MYH8: variants seen among roughly 807,000 people sequenced by gnomAD.
MYH8 encodes myosin-8.
In MYH8, 168 loss-of-function variants were observed where a neutral mutation model predicts 233.2. That is an observed-to-expected ratio of 0.72 (90% confidence interval 0.64 to 0.82). MYH8 has a LOEUF of 0.82. MYH8 is among the 40% of genes least tolerant of loss of function. The pLI, the probability that MYH8 is intolerant of heterozygous loss-of-function variation, is 0.00. For missense variants in MYH8, 1,995 were observed against 2,327.8 expected (o/e 0.86, Z 2.94); for synonymous variants, 785 against 850.6 (o/e 0.92, Z 1.34).
At chr17:10,395,519 T>C in intron 33 of MYH8, 78 bp from the exon 34 acceptor site, 5 of 1,417,356 alleles carry the variant, frequency 3.5e-6, no homozygotes, top group Non-Finnish European at 4.9e-6. Context: ...GCCAAACTCT[T>C]GTCAATATCA....
chr17:10,419,977 A>G lies in MYH8; in HGVS notation c.210+41T>C, dbSNP rs1432022814. 2 of 1,600,758 alleles carry G rather than the reference A, an allele frequency of 1.2e-6. No individual in the cohort carries two copies. Among genetic ancestry groups the G allele is most frequent in the African/African-American group, 2.7e-5 (2 of 74,644 alleles). Reference sequence around the variant, plus strand: ...AAGTTAGGCTTCAACTTTTGAACCAAGAAATAAAATGGGGAGTATTTTCTC... The same window carrying G: ...AAGTTAGGCTTCAACTTTTGAACCAGGAAATAAAATGGGGAGTATTTTCTC... On this transcript the variant is annotated intron_variant, in intron 3 of 39. Transcript: ENST00000403437. This position sits in a 1 kb window ranked among gnomAD's most constrained non-coding sequence, Gnocchi z 4.0.
chr17:10,398,694 T>G, intron 29 of MYH8, 54 bp from the exon 30 acceptor site: 9 of 1,614,102 alleles, frequency 5.6e-6, no homozygotes, highest in Middle Eastern at 1.6e-4. Flanking sequence ...GATATTTAAC[T>G]TACACATCCC....
chr17:10,414,147 A>T, intron 11 of MYH8, 45 bp downstream of exon 11: 1 of 1,607,886 alleles, frequency 6.2e-7, no homozygotes, highest in Non-Finnish European at 8.5e-7. Context: ...TGCTATTGTC[A>T]TTTCCATACA....
Position 10,418,751 on chromosome 17 carries a change from C to A in MYH8, c.405G>T (p.Pro135=), listed in dbSNP as rs775704195. 6.8e-6 allele frequency: 11 copies of A among 1,613,882 alleles called. No individual in the cohort carries two copies. The highest frequency in any genetic ancestry group is 9.3e-6 in the Non-Finnish European group (11 of 1,179,844). The part of the protein sequence containing the change: ...CVTVNPYKWL[P]VYKPEVVAAY... ...CAGCCACCACCTCGGGCTTGTACAC[C>A]GGCAGCCACTTGTAGGGGTTGACGG... is the stretch of plus-strand genomic sequence containing the variant. The change falls in exon 5 of 40, where the codon CCG becomes CCT. Residue 135 remains proline, a synonymous_variant. Transcript: ENST00000403437.
In MYH8 at chr17:10,396,719, CT is replaced by C. The variant is rs760734255; in HGVS notation, c.4363-2del. On this transcript the variant is annotated splice_acceptor_variant, in intron 31 of 39. Transcript: ENST00000403437. LOFTEE classifies it high-confidence loss of function. The surrounding 1 kb of genome is among the most constrained non-coding windows in gnomAD (Gnocchi z 4.2). ...ACTTCTGCTTCCATTCTGATAGGAC[CT>C]GAAAAGCAATAAATCATGAGTTGAT... The C allele has an allele frequency of 1.9e-6, 3 of 1,614,136 alleles. No individual in the cohort carries two copies. Among genetic ancestry groups the C allele is most frequent in the Non-Finnish European group, 2.5e-6 (3 of 1,180,030 alleles).
At position 10,410,878 on chromosome 17, in the gene MYH8, TGTG is replaced by T; in HGVS notation, c.1483_1485del (p.His495del). On this transcript the variant is annotated inframe_deletion, in exon 15 of 40. Coordinates refer to ENST00000403437, the MANE Select transcript of MYH8 (RefSeq NM_002472.3). Reference sequence around the variant, plus strand: ...TACTCCTCCTGCTCTAGCACAAACATGTGGTGGTTGAAAAACTGTTGCAGTTTC... The same window carrying T: ...TACTCCTCCTGCTCTAGCACAAACATGTGGTTGAAAAACTGTTGCAGTTTC... 6.2e-7 allele frequency: 1 copy of T among 1,613,852 alleles called. No homozygotes were observed. The highest frequency in any genetic ancestry group is 8.5e-7 in the Non-Finnish European group (1 of 1,179,956).
At chr17:10,398,380 TATC>T in intron 30 of MYH8, 61 bp downstream of exon 30, 1 of 1,612,028 alleles carries the variant, frequency 6.2e-7, no homozygotes, top group Non-Finnish European at 8.5e-7. Context: ...ATTGTTATGT[TATC>T]ATCATCATAA....
At position 10,396,969 on chromosome 17, in the gene MYH8, C is replaced by T. The variant is rs368200953; in HGVS notation, c.4196G>A (p.Arg1399His). 6.1e-5 allele frequency: 99 copies of T among 1,614,126 alleles called. No homozygotes were observed. Among genetic ancestry groups the T allele is most frequent in the Non-Finnish European group, 7.5e-5 (89 of 1,180,062 alleles). ...TACATGTTCCTCAGCTTCTTGCAGG[C>T]GCTGGGCCAACTTTTTCCTGAAAAG... ...LEEAKKKLAQ[R>H]LQEAEEHVEA... The change falls in exon 31 of 40, where the codon CGC (arginine) becomes CAC (histidine). Residue 1399 changes from arginine to histidine, a missense_variant. Coordinates refer to ENST00000403437, the MANE Select transcript of MYH8 (RefSeq NM_002472.3). The surrounding 1 kb of genome is among the most constrained non-coding windows in gnomAD (Gnocchi z 4.2).
chr17:10,401,632 C>T lies in MYH8; in HGVS notation c.2842G>A (p.Asp948Asn), dbSNP rs775842493. 1.2e-6 allele frequency: 2 copies of T among 1,614,082 alleles called. No homozygotes were observed. The highest frequency in any genetic ancestry group is 2.2e-5 in the East Asian group (1 of 44,874). ...TCTTTCTTGAGTTCTGAACATTCAT[C>T]CTCCAGTTTTCTCTTCTTGGCTGTC... ...ELTAKKRKLEDECSELKKDID... is the reference protein window; with the variant it reads ...ELTAKKRKLENECSELKKDID... Residue 948 changes from aspartate (D) to asparagine (N), a missense_variant, in exon 23 of 40, where the codon GAT (aspartate) becomes AAT (asparagine). Physicochemically the swap from Asp to Asn is conservative, Grantham distance 23 (BLOSUM62 1). Around this residue, in one of 3 missense-constraint regions of MYH8, gnomAD observed 1,498 missense variants for 1,680.9 expected, o/e 0.89. Transcript: ENST00000403437.
chr17:10,410,388 T>C (rs991181037), intron 15 of MYH8, among the ~76,000 whole-genome samples: 3 of 152,246 alleles, frequency 2.0e-5, no homozygotes, highest in African/African-American at 7.2e-5. Context: ...TTGGCTTTCA[T>C]GAAAGCACTA....
chr17:10,395,156 T>TGCAG lies in MYH8; in HGVS notation c.4938_4939insCTGC (p.Arg1647LeufsTer17). The stretch of plus-strand genomic sequence containing the variant: ...ACCTTCAGGATTCCTTGGGTGTTCC[T>TGCAG]GTAGTTCCTTAAACTCTCTGCAGCT... On this transcript the variant is annotated frameshift_variant, in exon 34 of 40. Coordinates refer to ENST00000403437, the MANE Select transcript of MYH8 (RefSeq NM_002472.3). LOFTEE classifies it high-confidence loss of function. The TGCAG allele has an allele frequency of 6.2e-7, 1 of 1,613,714 alleles. No individual in the cohort carries two copies. The highest frequency in any genetic ancestry group is 8.5e-7 in the Non-Finnish European group (1 of 1,180,016).
intron 39 of MYH8, among the ~76,000 whole-genome samples, chr17:10,391,667 G>T: frequency 6.6e-6 from 1 of 152,130 alleles, no homozygotes; most frequent in Non-Finnish European, 1.5e-5. Flanking sequence ...GTGACACAGC[G>T]AGGCTCTGTG....
rs1045155798 is a variant in MYH8, at chr17:10,398,811, T to C, written c.3938A>G (p.Gln1313Arg). ...QLSRSKQAST[Q>R]QIEELKHQLE... ...TTGATGTTTCAGCTCTTCAATCTGC[T>C]GAGTAGATGCTTGCTTGCTCCTTGA... Residue 1313 changes from glutamine to arginine, a missense_variant, in exon 29 of 40, where the codon CAG becomes CGG. Gln to Arg is a conservative substitution (Grantham distance 43, BLOSUM62 1). Coordinates refer to ENST00000403437, the MANE Select transcript of MYH8 (RefSeq NM_002472.3). 3.7e-6 allele frequency: 6 copies of C among 1,614,020 alleles called. No individual in the cohort carries two copies. Among genetic ancestry groups the C allele is most frequent in the Admixed American group, 3.3e-5 (2 of 60,006 alleles).
chr17:10,401,366 T>TG lies in MYH8; in HGVS notation c.3016dup (p.His1006ProfsTer7), dbSNP rs762636067. On this transcript the variant is annotated frameshift_variant, in exon 24 of 40. Coordinates refer to ENST00000403437, the MANE Select transcript of MYH8 (RefSeq NM_002472.3). LOFTEE classifies it high-confidence loss of function. ...CTGCAGGTCATCCAGGGTCTGCTGG[T>TG]GGGTCTCTTGGAGAGCCTTCTTCTC... The TG allele has an allele frequency of 1.2e-6, 2 of 1,614,108 alleles. No individual in the cohort carries two copies. Among genetic ancestry groups the TG allele is most frequent in the Non-Finnish European group, 1.7e-6 (2 of 1,180,018 alleles).
At chr17:10,405,655 G>A (rs2072186262) in intron 21 of MYH8, among the ~76,000 whole-genome samples, 1 of 152,176 alleles carries the variant, frequency 6.6e-6, no homozygotes, top group South Asian at 2.1e-4. Context: ...GATGAGGGGA[G>A]AGATGAGATA....
Position 10,396,465 on chromosome 17 carries a change from A to G in MYH8, c.4529-11T>C. On this transcript the variant is annotated splice_polypyrimidine_tract_variant and intron_variant, in intron 32 of 39. Transcript: ENST00000403437. This position sits in a 1 kb window ranked among gnomAD's most constrained non-coding sequence, Gnocchi z 4.2. ...GGTCAGAAATCTCCTCTGTGGTTGA[A>G]CAGACAGGAGAGAAATGGTCAGAAA... 6.2e-7 allele frequency: 1 copy of G among 1,614,088 alleles called. No homozygotes were observed. The highest frequency in any genetic ancestry group is 2.2e-5 in the East Asian group (1 of 44,880).
chr17:10,412,385 G>A lies in MYH8; in HGVS notation c.1401C>T (p.Gly467=). 6.2e-7 allele frequency: 1 copy of A among 1,614,152 alleles called. No homozygotes were observed. The highest frequency in any genetic ancestry group is 8.5e-7 in the Non-Finnish European group (1 of 1,180,022). ...TATAACTCACATCAAAGATTTCAAA[G>A]CCAGCAATGTCCAAGACCCCGATGA... ...QYFIGVLDIA[G]FEIFDFNSLE... Residue 467 remains glycine (G), a synonymous_variant, in exon 14 of 40, where the codon GGC becomes GGT. Transcript: ENST00000403437.
intron 30 of MYH8, among the ~76,000 whole-genome samples, chr17:10,397,973 T>C (rs767073856): frequency 1.3e-5 from 2 of 152,202 alleles, no homozygotes; most frequent in Non-Finnish European, 2.9e-5. Flanking sequence ...GTGAAAAACC[T>C]TTGGCTTGAT....
At position 10,400,839 on chromosome 17, in the gene MYH8, T is replaced by G; in HGVS notation, c.3345+30A>C. On this transcript the variant is annotated intron_variant, in intron 26 of 39. Transcript: ENST00000403437. This position sits in a 1 kb window ranked among gnomAD's most constrained non-coding sequence, Gnocchi z 4.0. ...TCTCAACTTCAGTGTTTTTTTGGTGTGCAGAAAAAATAGAGGTGAGATGAC... is the reference window on the plus strand; with the variant it reads ...TCTCAACTTCAGTGTTTTTTTGGTGGGCAGAAAAAATAGAGGTGAGATGAC... The G allele has an allele frequency of 6.2e-7, 1 of 1,613,894 alleles. No individual in the cohort carries two copies. The highest frequency in any genetic ancestry group is 8.5e-7 in the Non-Finnish European group (1 of 1,180,006).
Sources: allele counts gnomAD v4.1 joint callset (sites outside exome capture counted in the v4.1 genomes callset), GRCh38; gene constraint gnomAD v4.1.1; regional missense constraint gnomAD v4.1.1; non-coding constraint Gnocchi (gnomAD v3.1); transcripts MANE v1.5; gene names NCBI Gene and HGNC (gene_info 2026-07-23, HGNC 2026-07-21).